MYH3: variants seen among roughly 807,000 people sequenced by gnomAD.
MYH3 encodes the protein myosin heavy chain 3.
A neutral mutation model predicts 238.0 loss-of-function variants in MYH3; 130 were observed. That is an observed-to-expected ratio of 0.55 (90% CI 0.47 to 0.63). The LOEUF (loss-of-function observed/expected upper bound fraction) is 0.63, where lower values mean the gene tolerates loss of function less well. MYH3 is among the 30% of genes least tolerant of loss of function. MYH3 has a pLI of 0.00. For missense variants in MYH3, 1,853 were observed against 2,374.9 expected, an observed-to-expected ratio of 0.78 and a Z score of 4.57; for synonymous variants, 880 against 924.1, an observed-to-expected ratio of 0.95 and a Z score of 0.86.
rs1597483915 is a variant in MYH3 at position 10,636,001 on chromosome 17, T to A, written c.3857-148A>T. 1.5e-5 allele frequency: 11 copies of A among 753,320 alleles called. No individual in the cohort carries two copies. In the East Asian group the frequency reaches 3.0e-4, roughly 21 times the overall value. The allele number at this position is 753,320 out of a possible 1,614,324, so 46.7% of individuals were successfully genotyped here. On this transcript the variant is annotated intron_variant, in intron 28 of 40. Coordinates refer to ENST00000583535, the MANE Select transcript of MYH3 (RefSeq NM_002470.4). The stretch of plus-strand genomic sequence containing the variant: ...CTTCAGGGAGAAGGTATATGGTTCA[T>A]GAAAAGGAAACTGAAAGCAGAACTG...
chr17:10,671,021 G>A, the MYH3 span, among the ~76,000 whole-genome samples: 1 of 152,102 alleles, frequency 6.6e-6, no homozygotes, highest in Admixed American at 6.5e-5. Flanking sequence ...TCCCTGAGTA[G>A]CTGGGACTAC....
intron 7 of MYH3, 42 bp downstream of exon 7, chr17:10,649,535 T>C: frequency 6.6e-7 from 1 of 1,512,708 alleles, no homozygotes; most frequent in Non-Finnish European, 9.2e-7. Flanking sequence ...AAGACCACAG[T>C]TAAAAGTGGA....
the MYH3 span, among the ~76,000 whole-genome samples, chr17:10,663,534 G>A: frequency 2.0e-5 from 3 of 152,006 alleles, no homozygotes; most frequent in African/African-American, 7.3e-5. Flanking sequence ...CAGGGGCCCA[G>A]GAAATGAAGG....
At chr17:10,628,746 G>C in intron 40 of MYH3, 67 bp from the exon 41 acceptor site, 3 of 1,570,528 alleles carry the variant, frequency 1.9e-6, no homozygotes, top group Non-Finnish European at 2.6e-6. Context: ...CACCACTTCT[G>C]CCGGCTGGCA....
At position 10,637,937 on chromosome 17, in the gene MYH3, TGAA is replaced by T. The variant is rs2074230601; in HGVS notation, c.3730-5_3730-3del. 6.2e-7 allele frequency: 1 copy of T among 1,614,032 alleles called. No individual in the cohort carries two copies. Among genetic ancestry groups the T allele is most frequent in the Non-Finnish European group, 8.5e-7 (1 of 1,180,034 alleles). ...TCGGCAGATTTTTTCCAGATTTGCCTGAAGGATTCAGAAAGGGGAGCAAAGTCA... is the reference window on the plus strand; with the variant it reads ...TCGGCAGATTTTTTCCAGATTTGCCTGGATTCAGAAAGGGGAGCAAAGTCA... On this transcript the variant is annotated splice_polypyrimidine_tract_variant and splice_region_variant and intron_variant, in intron 27 of 40. Coordinates refer to ENST00000583535, the MANE Select transcript of MYH3 (RefSeq NM_002470.4).
chr17:10,646,460 G>C (rs2074322265), intron 10 of MYH3, among the ~76,000 whole-genome samples: 1 of 152,164 alleles, frequency 6.6e-6, no homozygotes, highest in Non-Finnish European at 1.5e-5. Flanking sequence ...AGCAAATACA[G>C]CCAAAGAGCA....
the MYH3 span, among the ~76,000 whole-genome samples, chr17:10,663,938 C>T: frequency 6.6e-6 from 1 of 151,750 alleles, no homozygotes; most frequent in Non-Finnish European, 1.5e-5. Context: ...TGGCGTGCAC[C>T]TGTAATCCCA....
At chr17:10,667,217 A>T in the MYH3 span, among the ~76,000 whole-genome samples, 1 of 152,250 alleles carries the variant, frequency 6.6e-6, no homozygotes. Flanking sequence ...CACTTCTAGG[A>T]ACCTACGGTA....
rs758084940 is a variant in MYH3 at position 10,652,507 on chromosome 17, C to T, written c.261G>A (p.Arg87=). Reference sequence around the variant, plus strand: ...GCGTCAGCATGGCCATGTCTTCGATCCTGTCGAACTTGGGGGGGTTCATGG... The same window carrying T: ...GCGTCAGCATGGCCATGTCTTCGATTCTGTCGAACTTGGGGGGGTTCATGG... ...VYAMNPPKFD[R]IEDMAMLTHL... Residue 87 remains arginine, a synonymous_variant, in exon 4 of 41, where the codon AGG becomes AGA. Coordinates refer to ENST00000583535, the MANE Select transcript of MYH3 (RefSeq NM_002470.4). The T allele has an allele frequency of 1.2e-6, 2 of 1,613,412 alleles. No individual in the cohort carries two copies. Among genetic ancestry groups the T allele is most frequent in the Non-Finnish European group, 1.7e-6 (2 of 1,179,748 alleles).
At chr17:10,668,728 C>T in the MYH3 span, among the ~76,000 whole-genome samples, 1 of 152,150 alleles carries the variant, frequency 6.6e-6, no homozygotes, top group Non-Finnish European at 1.5e-5. Flanking sequence ...GTAACTAATA[C>T]AACACACTGC....
chr17:10,657,404 C>T (rs557844376), upstream of MYH3: 1 of 152,304 alleles, frequency 6.6e-6, no homozygotes, highest in African/African-American at 2.4e-5. Context: ...AGTGGCCCCC[C>T]CAAGCCGAGA....
upstream of MYH3, among the ~76,000 whole-genome samples, chr17:10,657,535 A>G (rs1029808437): frequency 2.0e-5 from 3 of 152,254 alleles, no homozygotes; most frequent in East Asian, 5.8e-4. Context: ...CTTTCTCTGA[A>G]CTTGGGGCCG....
rs3815005 is a variant in MYH3 at position 10,654,278 on chromosome 17, T to A, written c.204+583A>T. Among the ~76,000 whole-genome samples the A allele has an allele frequency of 0.63, 95,656 of 151,292 alleles. 32,071 individuals carry two copies. The highest frequency in any genetic ancestry group is 0.77 in the Non-Finnish European group (52,170 of 67,838). On this transcript the variant is annotated intron_variant, in intron 3 of 40. Coordinates refer to ENST00000583535, the MANE Select transcript of MYH3 (RefSeq NM_002470.4). This position sits in a 1 kb window ranked among gnomAD's most constrained non-coding sequence, Gnocchi z 4.5. Reference sequence around the variant, plus strand: ...TTTTGCTTTTTACTTTTCTTGGGACTTTTCCAGATTCTCCTGATGTGGATT... The same window carrying A: ...TTTTGCTTTTTACTTTTCTTGGGACATTTCCAGATTCTCCTGATGTGGATT...
chr17:10,650,433 G>T (rs760042112), intron 5 of MYH3, 32 bp from the exon 6 acceptor site: 1 of 1,601,528 alleles, frequency 6.2e-7, no homozygotes, highest in South Asian at 1.1e-5. Context: ...TAGAGTTGAT[G>T]GCAATAGAAA....
rs1358015250 is a variant in MYH3, at chr17:10,638,289, C to G, written c.3483G>C (p.Gln1161His). 1.2e-6 allele frequency: 2 copies of G among 1,613,704 alleles called. No individual in the cohort carries two copies. Among genetic ancestry groups the G allele is most frequent in the South Asian group, 2.2e-5 (2 of 91,064 alleles). ...LEEAGGVTST[Q>H]IELNKKREAE... ...CCTCCCGCTTCTTGTTGAGCTCTAT[C>G]TGCGTGGAGGTGACGCCTCCCGCCT... Residue 1161 changes from glutamine to histidine, a missense_variant, in exon 27 of 41, where the codon CAG becomes CAC. By Grantham distance (24) the Gln-to-His change is conservative. Transcript: ENST00000583535.
rs752581172 is a variant in MYH3 at position 10,646,037 on chromosome 17, A to G, written c.899-5T>C. 6.2e-7 allele frequency: 1 copy of G among 1,610,336 alleles called. No homozygotes were observed. The highest frequency in any genetic ancestry group is 1.1e-5 in the South Asian group (1 of 90,956). On this transcript the variant is annotated splice_region_variant and splice_polypyrimidine_tract_variant and intron_variant, in intron 10 of 40. Transcript: ENST00000583535. ...TGGTCGTAATAAGCAGCAGCTCTGA[A>G]ATGACAAATAGTTCCAGGAGGTTAT...
Position 10,642,454 on chromosome 17 carries a change from G to A in MYH3, c.1851C>T (p.Leu617=). Residue 617 remains leucine, a synonymous_variant, in exon 16 of 41, where the codon CTC becomes CTT. Coordinates refer to ENST00000583535, the MANE Select transcript of MYH3 (RefSeq NM_002470.4). The surrounding 1 kb of genome is among the most constrained non-coding windows in gnomAD (Gnocchi z 5.4). ...CAAACGTGGCATAGAGGTGTGCCAG[G>A]AGCCTGTTGGAAGACTTCTGGTACA... is the stretch of plus-strand genomic sequence containing the variant. ...VGLYQKSSNR[L]LAHLYATFAT... The A allele has an allele frequency of 6.2e-7, 1 of 1,614,190 alleles. No individual in the cohort carries two copies. Among genetic ancestry groups the A allele is most frequent in the Non-Finnish European group, 8.5e-7 (1 of 1,180,032 alleles).
At chr17:10,661,057 A>C (rs1412528604), upstream of MYH3, among the ~76,000 whole-genome samples, 23 of 150,384 alleles carry the variant, frequency 1.5e-4, no homozygotes, top group Non-Finnish European at 3.4e-4. Context: ...GCTCACCGCA[A>C]CCTCCACCTC....
chr17:10,638,942 T>C lies in MYH3; in HGVS notation c.3270A>G (p.Gln1090=), dbSNP rs144312976. 147 of 1,614,184 alleles carry C rather than the reference T, an allele frequency of 9.1e-5. No homozygotes were observed. The African/African-American group carries it at 1.5e-3, about 16-fold the overall frequency. The part of the protein sequence containing the change: ...RLKKKDFEYC[Q]LQSKVEDEQT... ...GCTCATCTTCCACTTTGCTTTGAAG[T>C]TGACAATATTCAAAATCTTTCCTGT... The change falls in exon 26 of 41, where the codon CAA becomes CAG. Residue 1090 remains glutamine, a synonymous_variant. Coordinates refer to ENST00000583535, the MANE Select transcript of MYH3 (RefSeq NM_002470.4).
Sources: allele counts gnomAD v4.1 joint callset (sites outside exome capture counted in the v4.1 genomes callset), GRCh38; gene constraint gnomAD v4.1.1; non-coding constraint Gnocchi (gnomAD v3.1); transcripts MANE v1.5; gene names NCBI Gene and HGNC (gene_info 2026-07-23, HGNC 2026-07-21).